Variants in PPP1R10 observed in about 807,000 individuals in gnomAD.
The protein encoded by PPP1R10 is protein phosphatase 1 regulatory subunit 10.
A neutral mutation model predicts 99.0 loss-of-function variants in PPP1R10; 15 were observed. That is an observed-to-expected ratio of 0.15 (90% CI 0.10 to 0.23). The LOEUF is 0.23. Among genes scored for constraint, PPP1R10 ranks in the 10% least tolerant of loss-of-function variants. PPP1R10 has a pLI of 1.00. For missense variants in PPP1R10, 947 were observed against 1,259.4 expected (o/e 0.75, Z 3.75); for synonymous variants, 430 against 449.5 (o/e 0.96, Z 0.55).
At chr6:30,605,720 C>T (rs17195495) in intron 10 of PPP1R10, 14,772 of 566,398 alleles carry the variant, frequency 0.026, 396 homozygotes, top group African/African-American at 0.1. Context: ...ATTAGCCGGG[C>T]GTGGTGGCGG....
chr6:30,608,942 TAATG>T, intron 4 of PPP1R10, 28 bp from the exon 5 acceptor site: 1 of 1,613,950 alleles, frequency 6.2e-7, no homozygotes, highest in Non-Finnish European at 8.5e-7. Context: ...AGTCTATCAG[TAATG>T]CCCTTTCTAG....
rs962660629 is a variant in PPP1R10 at position 30,616,903 on chromosome 6, C to G, written c.-437G>C. ...CTGGTGGCTGCTGTTTTCCCTTTCC[C>G]CCCTCTCTCAGGATCCTTTCAAGGG... On this transcript the variant is annotated 5_prime_UTR_variant, in exon 2 of 20. Coordinates refer to ENST00000376511, the MANE Select transcript of PPP1R10 (RefSeq NM_002714.4). The G allele has an allele frequency of 1.3e-5, 2 of 152,170 alleles. No individual in the cohort carries two copies. The highest frequency in any genetic ancestry group is 4.8e-5 in the African/African-American group (2 of 41,388). 9.4% of individuals were successfully genotyped at this position (152,170 alleles called of 1,614,324 possible).
chr6:30,606,134 A>G lies in PPP1R10; in HGVS notation c.740+4T>C. 2 of 1,614,026 alleles carry G rather than the reference A, an allele frequency of 1.2e-6. No individual in the cohort carries two copies. The highest frequency in any genetic ancestry group is 1.7e-6 in the Non-Finnish European group (2 of 1,179,910). On this transcript the variant is annotated splice_donor_region_variant and intron_variant, in intron 9 of 19. Coordinates refer to ENST00000376511, the MANE Select transcript of PPP1R10 (RefSeq NM_002714.4). The surrounding 1 kb of genome is among the most constrained non-coding windows in gnomAD (Gnocchi z 6.3). ...CATTCAGAGCCTGAGAATATGGTCC[A>G]TACCTCTGACGTTTGAGGGGGATGG...
In PPP1R10 at chr6:30,606,364, C is replaced by A. The variant is rs775313622; in HGVS notation, c.634+104G>T. On this transcript the variant is annotated intron_variant, in intron 8 of 19. Coordinates refer to ENST00000376511, the MANE Select transcript of PPP1R10 (RefSeq NM_002714.4). The surrounding 1 kb of genome is among the most constrained non-coding windows in gnomAD (Gnocchi z 6.3). Reference sequence around the variant, plus strand: ...AACCAAAGCTTCCTCTGCTAGTCTTCCCTCTTCCTTACGATTAACATACCA... The same window carrying A: ...AACCAAAGCTTCCTCTGCTAGTCTTACCTCTTCCTTACGATTAACATACCA... 6 of 1,570,938 alleles carry A rather than the reference C, an allele frequency of 3.8e-6. No homozygotes were observed. Among genetic ancestry groups the A allele is most frequent in the Non-Finnish European group, 5.2e-6 (6 of 1,150,734 alleles).
chr6:30,604,584 T>A lies in PPP1R10; in HGVS notation c.1102+4A>T. On this transcript the variant is annotated splice_donor_region_variant and intron_variant, in intron 12 of 19. Transcript: ENST00000376511. The surrounding 1 kb of genome is among the most constrained non-coding windows in gnomAD (Gnocchi z 7.3). ...CCCCCAAACTGAACCAGTTTCTAGA[T>A]TACCTGTATCCATGAGCTCCGGGAC... is the stretch of plus-strand genomic sequence containing the variant. The A allele has an allele frequency of 1.9e-6, 3 of 1,612,930 alleles. No individual in the cohort carries two copies. Among genetic ancestry groups the A allele is most frequent in the East Asian group, 2.2e-5 (1 of 44,866 alleles).
At chr6:30,605,783 C>T (rs967950975) in intron 10 of PPP1R10, 140 bp downstream of exon 10, 4 of 802,504 alleles carry the variant, frequency 5.0e-6, no homozygotes, top group Non-Finnish European at 8.0e-6. Context: ...TGGCGTGAAC[C>T]CGGGAGGCGG....
chr6:30,601,849 G>GCTAC, intron 19 of PPP1R10, 87 bp downstream of exon 19: 2 of 1,431,768 alleles, frequency 1.4e-6, no homozygotes, highest in Non-Finnish European at 1.8e-6. Context: ...GTTCTGCCTA[G>GCTAC]CTACCAACAG....
At position 30,606,054 on chromosome 6, in the gene PPP1R10, T is replaced by A; in HGVS notation, c.741-19A>T. On this transcript the variant is annotated intron_variant, in intron 9 of 19. Coordinates refer to ENST00000376511, the MANE Select transcript of PPP1R10 (RefSeq NM_002714.4). This position sits in a 1 kb window ranked among gnomAD's most constrained non-coding sequence, Gnocchi z 6.3. ...TACGTTGCTGTCAGAAGAGGAACTGTCATCAACATCTCCGACTCACCCCCT... is the reference window on the plus strand; with the variant it reads ...TACGTTGCTGTCAGAAGAGGAACTGACATCAACATCTCCGACTCACCCCCT... The A allele has an allele frequency of 6.2e-7, 1 of 1,613,028 alleles. No homozygotes were observed. The highest frequency in any genetic ancestry group is 8.5e-7 in the Non-Finnish European group (1 of 1,179,112).
Position 30,604,204 on chromosome 6 carries a change from G to A in PPP1R10, c.1312C>T (p.Leu438=), listed in dbSNP as rs147383805. 6.2e-7 allele frequency: 1 copy of A among 1,614,182 alleles called. No individual in the cohort carries two copies. The highest frequency in any genetic ancestry group is 1.3e-5 in the African/African-American group (1 of 75,040). ...DFGEAAKREI[L]SDRHAFETAR... is the part of the protein sequence containing the mutation. Reference sequence around the variant, plus strand: ...GTCTCAAATGCATGTCGGTCTGACAGTATCTCTCGCTTAGCCGCCTCACCA... The same window carrying A: ...GTCTCAAATGCATGTCGGTCTGACAATATCTCTCGCTTAGCCGCCTCACCA... The change falls in exon 14 of 20, where the codon CTG becomes TTG. Residue 438 remains leucine (L), a synonymous_variant. Coordinates refer to ENST00000376511, the MANE Select transcript of PPP1R10 (RefSeq NM_002714.4). This position sits in a 1 kb window ranked among gnomAD's most constrained non-coding sequence, Gnocchi z 7.3.
Position 30,602,820 on chromosome 6 carries a change from A to G in PPP1R10, c.1957+26T>C. On this transcript the variant is annotated intron_variant, in intron 18 of 19. Transcript: ENST00000376511. This position sits in a 1 kb window ranked among gnomAD's most constrained non-coding sequence, Gnocchi z 6.7. ...AGACTGAAATTAAGCAGATAAGCCC[A>G]TTCCAACCTTTTACTCACCACCTAC... 1 of 1,548,718 alleles carries G rather than the reference A, an allele frequency of 6.5e-7. No individual in the cohort carries two copies. The highest frequency in any genetic ancestry group is 8.7e-7 in the Non-Finnish European group (1 of 1,143,054).
At chr6:30,608,637 G>C (rs1399544004) in intron 5 of PPP1R10, 142 bp downstream of exon 5, 2 of 1,121,166 alleles carry the variant, frequency 1.8e-6, no homozygotes, top group African/African-American at 1.6e-5. Context: ...TTCAAACCAA[G>C]TCTTCTTCTT....
intron 5 of PPP1R10, 95 bp from the exon 6 acceptor site, chr6:30,607,986 TTTTTTTTTTTTTTA>T (rs1804125152): frequency 2.7e-6 from 3 of 1,121,276 alleles, no homozygotes; most frequent in African/African-American, 3.3e-5. Flanking sequence ...CTCCCTGCTT[TTTTTTTTTTTTTTA>T]TTTTTTGAGA....
chr6:30,602,030 T>A lies in PPP1R10; in HGVS notation c.2619A>T (p.Arg873=). ...CACGGTGCTCATGAGGTGGCGGCCCTCGATGGTCATGGCCTCGGTGACCAG... is the reference window on the plus strand; with the variant it reads ...CACGGTGCTCATGAGGTGGCGGCCCACGATGGTCATGGCCTCGGTGACCAG... ...DVPGHRGHDH[R]GPPPHEHRGH... Residue 873 remains arginine, a synonymous_variant, in exon 19 of 20, where the codon CGA becomes CGT. Coordinates refer to ENST00000376511, the MANE Select transcript of PPP1R10 (RefSeq NM_002714.4). The surrounding 1 kb of genome is among the most constrained non-coding windows in gnomAD (Gnocchi z 6.7). 6.5e-7 allele frequency: 1 copy of A among 1,541,166 alleles called. No individual in the cohort carries two copies.
At position 30,606,768 on chromosome 6, in the gene PPP1R10, A is replaced by G. The variant is rs1325977945; in HGVS notation, c.460+11T>C. ...AAATAAATACAAAGGATAAAGGACTAAGGAGCTTACCAGCAGGCTGGGTAC... is the reference window on the plus strand; with the variant it reads ...AAATAAATACAAAGGATAAAGGACTGAGGAGCTTACCAGCAGGCTGGGTAC... On this transcript the variant is annotated intron_variant, in intron 7 of 19. Coordinates refer to ENST00000376511, the MANE Select transcript of PPP1R10 (RefSeq NM_002714.4). This position sits in a 1 kb window ranked among gnomAD's most constrained non-coding sequence, Gnocchi z 6.3. The G allele has an allele frequency of 1.9e-6, 3 of 1,613,718 alleles. No homozygotes were observed. Among genetic ancestry groups the G allele is most frequent in the African/African-American group, 1.3e-5 (1 of 75,034 alleles).
In PPP1R10 at chr6:30,611,976, T is replaced by C. The variant is rs1316222541; in HGVS notation, c.-11-2021A>G. Among the ~76,000 whole-genome samples, 3 of 152,154 alleles carry C rather than the reference T, an allele frequency of 2.0e-5. No individual in the cohort carries two copies. The South Asian group carries it at 6.2e-4, about 32-fold the overall frequency. ...TAGTGAGATACTATAAAGTGATCTA[T>C]AGAAACTATAAAGAGATACGATAAA... is the stretch of plus-strand genomic sequence containing the variant. On this transcript the variant is annotated intron_variant, in intron 2 of 19. Coordinates refer to ENST00000376511, the MANE Select transcript of PPP1R10 (RefSeq NM_002714.4).
In PPP1R10 at chr6:30,609,260, T is replaced by G; in HGVS notation, c.108-97A>C. The G allele has an allele frequency of 8.9e-7, 1 of 1,129,876 alleles. No individual in the cohort carries two copies. The highest frequency in any genetic ancestry group is 1.3e-6 in the Non-Finnish European group (1 of 761,994). 70.0% of individuals were successfully genotyped at this position (1,129,876 alleles called of 1,614,324 possible). A position where few individuals can be genotyped will look rare whatever the true frequency, so the allele number is the denominator to read the frequency against. On this transcript the variant is annotated intron_variant, in intron 3 of 19. Transcript: ENST00000376511. This position sits in a 1 kb window ranked among gnomAD's most constrained non-coding sequence, Gnocchi z 4.5. ...GAACTGCCTAGAGATTCCTAATGAC[T>G]TGGGACTTTGCTCCAGAGAAGGGGA...
chr6:30,605,986 T>C lies in PPP1R10; in HGVS notation c.790A>G (p.Lys264Glu). 5 of 1,614,108 alleles carry C rather than the reference T, an allele frequency of 3.1e-6. No homozygotes were observed. Among genetic ancestry groups the C allele is most frequent in the Non-Finnish European group, 4.2e-6 (5 of 1,179,988 alleles). ...GCATTAGGTGTTGTGTTGAGTGGCT[T>C]GTATTTCTTCTCTGCAGGGGGAGTG... ...DATPPAEKKY[K>E]PLNTTPNATK... is the part of the protein sequence containing the mutation. Residue 264 changes from lysine (K) to glutamate (E), a missense_variant, in exon 10 of 20, where the codon AAG becomes GAG. By Grantham distance (56) the Lys-to-Glu change is moderately conservative. Coordinates refer to ENST00000376511, the MANE Select transcript of PPP1R10 (RefSeq NM_002714.4).
chr6:30,605,176 T>C, intron 10 of PPP1R10, 82 bp from the exon 11 acceptor site: 2 of 1,291,848 alleles, frequency 1.5e-6, no homozygotes, highest in Non-Finnish European at 2.2e-6. Context: ...AGGCATAAAA[T>C]GAGCCAGTGA....
chr6:30,608,203 G>A (rs1252389651), intron 5 of PPP1R10, among the ~76,000 whole-genome samples: 3 of 151,530 alleles, frequency 2.0e-5, no homozygotes, highest in Non-Finnish European at 4.4e-5. Context: ...TTTTGCCCAC[G>A]CTGGTCTTGA....
Sources: gnomAD v4.1 joint callset for allele counts (sites outside exome capture counted in the v4.1 genomes callset) on GRCh38, gnomAD v4.1.1 for gene constraint, Gnocchi (gnomAD v3.1) non-coding constraint, MANE v1.5 for transcripts, NCBI Gene and HGNC (gene_info 2026-07-23, HGNC 2026-07-21) for gene names.